ZNF423: variants seen among roughly 807,000 people sequenced by gnomAD.
ZNF423 encodes the protein zinc finger protein 423.
Under a neutral mutation model 95.8 loss-of-function variants are expected in ZNF423, and 12 were observed. The observed-to-expected ratio is 0.13, with a 90% CI of 0.08 to 0.20. The LOEUF (loss-of-function observed/expected upper bound fraction) is 0.20, where lower values mean the gene tolerates loss of function less well. Among genes scored for constraint, ZNF423 ranks in the 10% least tolerant of loss-of-function variants. The pLI, the probability that ZNF423 is intolerant of heterozygous loss-of-function variation, is 1.00. For synonymous variants in ZNF423, 749 were observed against 711.9 expected, an observed-to-expected ratio of 1.05 and a Z score of -0.83; for missense variants, 1,316 against 1,737.1, an observed-to-expected ratio of 0.76 and a Z score of 4.31.
chr16:49,627,143 C>A (rs970350619), intron 4 of ZNF423, among the ~76,000 whole-genome samples: 10 of 150,574 alleles, frequency 6.6e-5, no homozygotes, highest in Non-Finnish European at 1.0e-4. Context: ...CATACACACC[C>A]ACCTATCCAC....
At chr16:49,602,896 A>G (rs1226048866) in intron 5 of ZNF423, among the ~76,000 whole-genome samples, 1 of 152,190 alleles carries the variant, frequency 6.6e-6, no homozygotes, top group African/African-American at 2.4e-5. Flanking sequence ...GAGAGTTTCT[A>G]TTTTGTGAGC....
At chr16:49,775,563 G>A (rs1021847981) in intron 2 of ZNF423, among the ~76,000 whole-genome samples, 1 of 152,212 alleles carries the variant, frequency 6.6e-6, no homozygotes. Flanking sequence ...TTATAATGGT[G>A]CCACAAGGTA....
intron 7 of ZNF423, 129 bp from the exon 8 acceptor site, chr16:49,491,433 A>G: frequency 8.4e-7 from 1 of 1,194,184 alleles, no homozygotes; most frequent in Non-Finnish European, 1.2e-6. Flanking sequence ...AAAATGCAAC[A>G]AGGAAAAAGT....
intron 1 of ZNF423, among the ~76,000 whole-genome samples, chr16:49,799,737 G>GA (rs201716020): frequency 5.9e-5 from 9 of 152,212 alleles, no homozygotes; most frequent in African/African-American, 2.2e-4. Flanking sequence ...TGATGATGAT[G>GA]TGTAAAATAG....
chr16:49,810,568 T>C (rs2034735163), intron 1 of ZNF423, among the ~76,000 whole-genome samples: 1 of 152,172 alleles, frequency 6.6e-6, no homozygotes, highest in African/African-American at 2.4e-5. Context: ...AGCCCCACCC[T>C]GTTCCTCCTC....
At chr16:49,723,431 T>C (rs1263213827) in intron 3 of ZNF423, among the ~76,000 whole-genome samples, 1 of 152,204 alleles carries the variant, frequency 6.6e-6, no homozygotes, top group Non-Finnish European at 1.5e-5. Flanking sequence ...TTTTTTGTGT[T>C]GATTTATTGG....
chr16:49,581,278 C>A (rs1970667570), intron 5 of ZNF423, among the ~76,000 whole-genome samples: 1 of 152,128 alleles, frequency 6.6e-6, no homozygotes, highest in South Asian at 2.1e-4. Flanking sequence ...TGAAAAAAAG[C>A]AAACAATTAT....
At chr16:49,806,628 G>A (rs971032454) in intron 1 of ZNF423, among the ~76,000 whole-genome samples, 3 of 151,848 alleles carry the variant, frequency 2.0e-5, no homozygotes, top group Non-Finnish European at 4.4e-5. Context: ...TATGTATGAC[G>A]TGTGTGTGTG....
intron 1 of ZNF423, among the ~76,000 whole-genome samples, chr16:49,814,531 T>A (rs1372129198): frequency 1.3e-5 from 2 of 151,696 alleles, no homozygotes; most frequent in African/African-American, 4.8e-5. Context: ...AGGACAGGCA[T>A]GGGCTGTGCT....
At position 49,521,450 on chromosome 16, in the gene ZNF423, AGG is replaced by A. The variant is rs1968391121; in HGVS notation, c.3849+2172_3849+2173del. On this transcript the variant is annotated intron_variant, in intron 7 of 7. Transcript: ENST00000563137. Reference sequence around the variant, plus strand: ...CGGCTGCATGGACTGCACTTGGGAGAGGGTGCGCATCCAGCACACGAGCAGGG... The same window carrying A: ...CGGCTGCATGGACTGCACTTGGGAGAGTGCGCATCCAGCACACGAGCAGGG... Among the ~76,000 whole-genome samples the A allele has an allele frequency of 3.3e-5, 5 of 152,230 alleles. No individual in the cohort carries two copies. The South Asian group carries it at 1.0e-3, about 32-fold the overall frequency.
At chr16:49,528,461 C>T (rs1968704247) in intron 5 of ZNF423, among the ~76,000 whole-genome samples, 1 of 152,110 alleles carries the variant, frequency 6.6e-6, no homozygotes, top group Non-Finnish European at 1.5e-5. Context: ...AGATCAAGAG[C>T]CCAACAGACC....
At chr16:49,702,521 G>A (rs892981000) in intron 3 of ZNF423, among the ~76,000 whole-genome samples, 8 of 152,270 alleles carry the variant, frequency 5.3e-5, no homozygotes, top group African/African-American at 9.6e-5. Flanking sequence ...GCGTCATGCC[G>A]ATCAAATTGA....
chr16:49,732,681 G>C (rs2143409919), intron 2 of ZNF423, among the ~76,000 whole-genome samples: 1 of 152,338 alleles, frequency 6.6e-6, no homozygotes, highest in African/African-American at 2.4e-5. Flanking sequence ...ACGAAGCAAA[G>C]AATGCACTCA....
At chr16:49,730,738 ACCTGTCAGAGT>A (rs2033143532) in intron 3 of ZNF423, 22 bp downstream of exon 3, 1 of 1,612,588 alleles carries the variant, frequency 6.2e-7, no homozygotes, top group South Asian at 1.1e-5. Flanking sequence ...CCGTGTAACC[ACCTGTCAGAGT>A]CCTGGGGCTG....
chr16:49,818,949 A>G (rs2034897511), intron 1 of ZNF423, among the ~76,000 whole-genome samples: 1 of 152,134 alleles, frequency 6.6e-6, no homozygotes, highest in South Asian at 2.1e-4. Flanking sequence ...TTTTAACTAA[A>G]TCAAATTTAA....
At chr16:49,622,367 C>T (rs1431317436) in intron 5 of ZNF423, among the ~76,000 whole-genome samples, 1 of 151,752 alleles carries the variant, frequency 6.6e-6, no homozygotes, top group Non-Finnish European at 1.5e-5. Flanking sequence ...TTCTCACTCC[C>T]CACAATGCCT....
intron 1 of ZNF423, among the ~76,000 whole-genome samples, chr16:49,807,336 C>G (rs2143938012): frequency 6.6e-6 from 1 of 151,808 alleles, no homozygotes; most frequent in Non-Finnish European, 1.5e-5. Flanking sequence ...GAGGCTGAGG[C>G]AGGAGAATGG....
chr16:49,512,108 C>G (rs1385220871), intron 7 of ZNF423, among the ~76,000 whole-genome samples: 2 of 152,176 alleles, frequency 1.3e-5, no homozygotes, highest in Non-Finnish European at 2.9e-5. Context: ...TTCTGTTTGT[C>G]CTTATTAGCT....
At chr16:49,571,392 G>A (rs1338741990) in intron 5 of ZNF423, among the ~76,000 whole-genome samples, 2 of 152,080 alleles carry the variant, frequency 1.3e-5, no homozygotes, top group Non-Finnish European at 2.9e-5. Context: ...TGCCCAGGAG[G>A]GTAGACAAAG....
Sources: gnomAD v4.1 joint callset for allele counts (sites outside exome capture counted in the v4.1 genomes callset) on GRCh38, gnomAD v4.1.1 for gene constraint, MANE v1.5 for transcripts, NCBI Gene and HGNC (gene_info 2026-07-23, HGNC 2026-07-21) for gene names.